MARCHF1: variants seen among roughly 807,000 people sequenced by gnomAD.
The protein encoded by MARCHF1 is membrane associated ring-CH-type finger 1.
MARCHF1 carries 40 observed loss-of-function variants against 54.2 expected under a neutral mutation model. That is an observed-to-expected ratio of 0.74 (90% CI 0.57 to 0.96). The LOEUF (loss-of-function observed/expected upper bound fraction) is 0.96, where lower values mean the gene tolerates loss of function less well. Among genes scored for constraint, MARCHF1 ranks in the 40% least tolerant of loss-of-function variants. The pLI, the probability that MARCHF1 is intolerant of heterozygous loss-of-function variation, is 0.00. For synonymous variants in MARCHF1, 236 were observed against 236.3 expected (o/e 1.00, Z 0.01); for missense variants, 586 against 656.5 (o/e 0.89, Z 1.17).
intron 9 of MARCHF1, chr4:163,529,650 C>G (rs1738277486): frequency 6.6e-6 from 1 of 151,992 alleles, no homozygotes; most frequent in Non-Finnish European, 1.5e-5. Context: ...CCATTTGTTT[C>G]ATAAATCATA....
At chr4:163,804,202 A>G (rs1164947436) in intron 4 of MARCHF1, among the ~76,000 whole-genome samples, 1 of 152,196 alleles carries the variant, frequency 6.6e-6, no homozygotes, top group Non-Finnish European at 1.5e-5. Context: ...ACATTTTCAT[A>G]ATAAGCAACC....
chr4:163,972,353 A>T (rs895920039), intron 3 of MARCHF1, among the ~76,000 whole-genome samples: 53 of 152,182 alleles, frequency 3.5e-4, no homozygotes, highest in Non-Finnish European at 4.9e-4. Flanking sequence ...ATAATAAAAA[A>T]TTTTTTTAAA....
At chr4:163,804,521 A>G (rs1032749760) in intron 4 of MARCHF1, among the ~76,000 whole-genome samples, 2 of 152,232 alleles carry the variant, frequency 1.3e-5, no homozygotes, top group Admixed American at 6.5e-5. Flanking sequence ...AACTAAAAGA[A>G]TATGAAAATA....
intron 1 of MARCHF1, among the ~76,000 whole-genome samples, chr4:164,213,547 T>A (rs1367369276): frequency 6.6e-6 from 1 of 152,014 alleles, no homozygotes; most frequent in East Asian, 1.9e-4. Context: ...GGCTTTCACT[T>A]TTAAAAATTC....
intron 1 of MARCHF1, among the ~76,000 whole-genome samples, chr4:164,193,607 C>T (rs1400091257): frequency 2.0e-5 from 3 of 152,156 alleles, no homozygotes; most frequent in East Asian, 3.9e-4. Context: ...GGCTGCTGGC[C>T]GCCTGGGCAT....
intron 1 of MARCHF1, among the ~76,000 whole-genome samples, chr4:164,221,884 T>A (rs1196088904): frequency 2.6e-5 from 4 of 151,968 alleles, no homozygotes; most frequent in Admixed American, 6.6e-5. Flanking sequence ...TAGAGTGAGC[T>A]TACCATGCCT....
chr4:164,069,563 G>T (rs1011357711), intron 2 of MARCHF1, among the ~76,000 whole-genome samples: 5 of 152,016 alleles, frequency 3.3e-5, no homozygotes, highest in Non-Finnish European at 5.9e-5. Flanking sequence ...CATCGAGAAG[G>T]TCTGCAGCTT....
At chr4:163,658,702 A>G (rs1051514495) in intron 5 of MARCHF1, among the ~76,000 whole-genome samples, 2 of 152,048 alleles carry the variant, frequency 1.3e-5, no homozygotes, top group African/African-American at 2.4e-5. Context: ...AGAAAACCAA[A>G]CACTGCATGT....
At chr4:164,120,842 G>C (rs1206412492) in intron 1 of MARCHF1, among the ~76,000 whole-genome samples, 2 of 152,070 alleles carry the variant, frequency 1.3e-5, no homozygotes, top group African/African-American at 4.8e-5. Context: ...GCAGTACTAA[G>C]AGGGAAGTTG....
chr4:164,351,506 A>C (rs1379376696), intron 1 of MARCHF1, among the ~76,000 whole-genome samples: 3 of 151,828 alleles, frequency 2.0e-5, no homozygotes, highest in African/African-American at 7.3e-5. Flanking sequence ...GGGCACACTG[A>C]CACCTCACAC....
At chr4:164,156,724 C>T (rs973729587) in intron 1 of MARCHF1, among the ~76,000 whole-genome samples, 7 of 152,140 alleles carry the variant, frequency 4.6e-5, no homozygotes, top group East Asian at 1.9e-4. Context: ...TCACCATGCC[C>T]GCCCTTAATT....
chr4:163,908,891 A>G (rs1355352895), intron 3 of MARCHF1, among the ~76,000 whole-genome samples: 1 of 150,636 alleles, frequency 6.6e-6, no homozygotes, highest in Admixed American at 6.6e-5. Flanking sequence ...GATTAGATAC[A>G]TGAATAATAT....
Position 163,603,135 on chromosome 4 carries a change from T to A in MARCHF1, c.1010+9136A>T, listed in dbSNP as rs535806739. 2.7e-5 allele frequency among the ~76,000 whole-genome samples: 4 copies of A among 150,842 alleles called. No homozygotes were observed. In the East Asian group the frequency reaches 7.9e-4, roughly 30 times the overall value. On this transcript the variant is annotated intron_variant, in intron 7 of 9. Coordinates refer to ENST00000514618, the MANE Select transcript of MARCHF1 (RefSeq NM_001394959.1). ...AACTCAGGCTTCCCAATGACTAAAT[T>A]GTCTGAAAGATTAAGGTAAAGGGAA...
At chr4:163,748,191 C>T (rs183067206) in intron 4 of MARCHF1, among the ~76,000 whole-genome samples, 8 of 152,260 alleles carry the variant, frequency 5.3e-5, no homozygotes, top group East Asian at 3.9e-4. Context: ...GCTATTCTCC[C>T]CCTGGGGCTC....
chr4:164,268,757 A>G (rs543753043), intron 1 of MARCHF1, among the ~76,000 whole-genome samples: 5 of 152,314 alleles, frequency 3.3e-5, no homozygotes, highest in Admixed American at 2.6e-4. Context: ...AGATATAAAA[A>G]AAGAATCACA....
chr4:163,817,649 G>C (rs7666530), intron 4 of MARCHF1, among the ~76,000 whole-genome samples: 118,218 of 151,864 alleles, frequency 0.78, 47,351 homozygotes, highest in South Asian at 0.91. Flanking sequence ...AATGTATGTA[G>C]ACTCAGTTAA....
At position 164,063,094 on chromosome 4, in the gene MARCHF1, C is replaced by T. The variant is rs551426697; in HGVS notation, c.-248+48494G>A. Among the ~76,000 whole-genome samples, 53 of 152,284 alleles carry T rather than the reference C, an allele frequency of 3.5e-4. 1 individual carries two copies. The highest frequency in any genetic ancestry group is 9.9e-4 in the African/African-American group (41 of 41,554). ...GCAAACAGATGTGCCGCCATCCAGG[C>T]TTTGTTGTTCCATTTATAGAACACA... On this transcript the variant is annotated intron_variant, in intron 2 of 9. Transcript: ENST00000514618.
At chr4:164,122,652 T>C (rs552611379) in intron 1 of MARCHF1, among the ~76,000 whole-genome samples, 1 of 151,658 alleles carries the variant, frequency 6.6e-6, no homozygotes, top group Non-Finnish European at 1.5e-5. Context: ...GGGAGACCCC[T>C]CTCTCTCTCT....
At chr4:164,331,507 C>CAT (rs1320445221) in intron 1 of MARCHF1, among the ~76,000 whole-genome samples, 13 of 152,242 alleles carry the variant, frequency 8.5e-5, no homozygotes, top group African/African-American at 2.9e-4. Context: ...TGTTTGTATG[C>CAT]ATATATGCAT....
Sources: gnomAD v4.1 joint callset for allele counts (sites outside exome capture counted in the v4.1 genomes callset) on GRCh38, gnomAD v4.1.1 for gene constraint, MANE v1.5 for transcripts, NCBI Gene and HGNC (gene_info 2026-07-23, HGNC 2026-07-21) for gene names.